The following C10orf90 variants were observed in gnomAD, a reference collection of about 807,000 sequenced individuals.
The protein encoded by C10orf90 is (E2-independent) E3 ubiquitin-conjugating enzyme FATS.
Under a neutral mutation model 62.5 loss-of-function variants are expected in C10orf90, and 56 were observed. The ratio of observed to expected loss-of-function variants is 0.90; its 90% CI spans 0.72 to 1.12. The LOEUF (loss-of-function observed/expected upper bound fraction) is 1.12. C10orf90 is among the 50% of genes most tolerant of loss of function. The pLI is 0.00. For synonymous variants in C10orf90, 386 were observed against 340.4 expected, an observed-to-expected ratio of 1.13 and a Z score of -1.47; for missense variants, 970 against 880.4, an observed-to-expected ratio of 1.10 and a Z score of -1.29.
In C10orf90 at chr10:126,627,884, G is replaced by A. The variant is rs76418283; in HGVS notation, c.313+18681C>T. Among the ~76,000 whole-genome samples, 592 of 152,218 alleles carry A rather than the reference G, an allele frequency of 3.9e-3. 18 individuals are homozygous for A. In the East Asian group the frequency reaches 0.073, roughly 19 times the overall value. ...ACTATCGGCATGCGCCTCTGTGCCC[G>A]GCTATAAAGCAGAACTTGTTTTCAT... On this transcript the variant is annotated intron_variant, in intron 2 of 9. Coordinates refer to ENST00000488181, the MANE Select transcript of C10orf90 (RefSeq NM_001350921.2).
chr10:126,425,561 G>A lies in C10orf90; in HGVS notation c.*303C>T, dbSNP rs144437418. The A allele has an allele frequency of 4.1e-4, 164 of 400,006 alleles. 3 individuals are homozygous for A. The highest frequency in any genetic ancestry group is 2.6e-3 in the South Asian group (39 of 14,946). The allele number at this position is 400,006 out of a possible 1,614,324, so 24.8% of individuals were successfully genotyped here. On this transcript the variant is annotated 3_prime_UTR_variant, in exon 10 of 10. Transcript: ENST00000488181. ...CCTCTCTGATGGGCAGGAAACAGCA[G>A]GGGAGAAGAAATCAGAAGCAAAAGG...
chr10:126,455,282 C>T (rs1432629189), intron 7 of C10orf90, among the ~76,000 whole-genome samples: 1 of 152,186 alleles, frequency 6.6e-6, no homozygotes, highest in East Asian at 1.9e-4. Flanking sequence ...AACTGCATGT[C>T]CCCAGCCTCC....
At chr10:126,489,982 TA>T (rs1439069373) in intron 4 of C10orf90, among the ~76,000 whole-genome samples, 1 of 111,210 alleles carries the variant, frequency 9.0e-6, no homozygotes, top group Non-Finnish European at 1.7e-5. Context: ...ACATATAATA[TA>T]TATATAATAT....
chr10:126,514,754 C>G (rs1863340753), intron 2 of C10orf90, among the ~76,000 whole-genome samples: 1 of 152,228 alleles, frequency 6.6e-6, no homozygotes. Context: ...TACAGACCCT[C>G]AGCAGCCACA....
intron 7 of C10orf90, among the ~76,000 whole-genome samples, chr10:126,436,959 G>A (rs1486509772): frequency 6.6e-6 from 1 of 152,126 alleles, no homozygotes; most frequent in African/African-American, 2.4e-5. Context: ...CCACTGTGTT[G>A]GGAATGGTCC....
chr10:126,434,501 G>C (rs995911371), intron 7 of C10orf90, among the ~76,000 whole-genome samples: 2 of 152,152 alleles, frequency 1.3e-5, no homozygotes, highest in African/African-American at 4.8e-5. Flanking sequence ...CCTATTTTCT[G>C]AAGTCACCCC....
chr10:126,576,709 ATATATAC>A (rs1564879107), intron 2 of C10orf90, among the ~76,000 whole-genome samples: 4,234 of 38,248 alleles, frequency 0.11, 733 homozygotes, highest in African/African-American at 0.19. Flanking sequence ...GTATATGTAT[ATATATAC>A]AAGATATACA....
chr10:126,494,686 G>A (rs1328169344), intron 4 of C10orf90, among the ~76,000 whole-genome samples: 1 of 152,184 alleles, frequency 6.6e-6, no homozygotes, highest in Non-Finnish European at 1.5e-5. Context: ...TGAGGAAATG[G>A]TTAAGAAAAA....
chr10:126,632,004 G>C (rs1157909254), intron 2 of C10orf90, among the ~76,000 whole-genome samples: 2 of 152,064 alleles, frequency 1.3e-5, no homozygotes, highest in Admixed American at 1.3e-4. Context: ...TGGCCTTGGA[G>C]AGCAGCCCCA....
At chr10:126,605,363 T>C (rs564812120) in intron 2 of C10orf90, among the ~76,000 whole-genome samples, 2 of 152,216 alleles carry the variant, frequency 1.3e-5, no homozygotes, top group South Asian at 4.1e-4. Context: ...TACAGGCCTG[T>C]GGGGAGCAGG....
chr10:126,565,368 T>G (rs191203379), intron 2 of C10orf90, among the ~76,000 whole-genome samples: 1 of 44,800 alleles, frequency 2.2e-5, no homozygotes, highest in South Asian at 5.9e-4. Flanking sequence ...TATATATTAT[T>G]TTATATAATA....
At position 126,567,372 on chromosome 10, in the gene C10orf90, C is replaced by A. The variant is rs139011271; in HGVS notation, c.314-53433G>T. On this transcript the variant is annotated intron_variant, in intron 2 of 9. Coordinates refer to ENST00000488181, the MANE Select transcript of C10orf90 (RefSeq NM_001350921.2). ...CAACCAGATCTTGTAAAAACTCACT[C>A]AGTATCATGAGAACAGCAAAGGGGA... 3.3e-5 allele frequency among the ~76,000 whole-genome samples: 5 copies of A among 152,246 alleles called. No individual in the cohort carries two copies. In the East Asian group the frequency reaches 9.7e-4, roughly 30 times the overall value.
chr10:126,609,846 G>A (rs988075810), intron 2 of C10orf90, among the ~76,000 whole-genome samples: 6 of 152,224 alleles, frequency 3.9e-5, no homozygotes, highest in African/African-American at 1.4e-4. Context: ...CATGGGAGAT[G>A]CTGAGCAAGG....
chr10:126,459,859 C>T (rs1452558391), intron 6 of C10orf90, among the ~76,000 whole-genome samples: 2 of 152,186 alleles, frequency 1.3e-5, no homozygotes, highest in Admixed American at 6.5e-5. Flanking sequence ...CCACACAAGT[C>T]TCCTGAACAA....
At chr10:126,464,617 C>T (rs1005533032) in intron 5 of C10orf90, 79 bp downstream of exon 5, 17 of 1,408,090 alleles carry the variant, frequency 1.2e-5, no homozygotes, top group East Asian at 6.9e-5. Context: ...ACAGTATGCA[C>T]GAGGTCCAGG....
At chr10:126,619,727 C>T (rs1351854544) in intron 2 of C10orf90, among the ~76,000 whole-genome samples, 6 of 152,190 alleles carry the variant, frequency 3.9e-5, no homozygotes, top group Non-Finnish European at 5.9e-5. Flanking sequence ...ACAGCCTCAG[C>T]CTCCCAGGCT....
intron 2 of C10orf90, among the ~76,000 whole-genome samples, chr10:126,585,900 C>T (rs1844861038): frequency 6.6e-6 from 1 of 152,132 alleles, no homozygotes; most frequent in Non-Finnish European, 1.5e-5. Flanking sequence ...GACCCTGGCC[C>T]CCGCCCCACA....
chr10:126,587,769 C>T (rs1844902351), intron 2 of C10orf90, among the ~76,000 whole-genome samples: 1 of 152,102 alleles, frequency 6.6e-6, no homozygotes, highest in Non-Finnish European at 1.5e-5. Flanking sequence ...TTTATTTCCA[C>T]ATTATGAAGC....
intron 2 of C10orf90, among the ~76,000 whole-genome samples, chr10:126,572,786 G>T (rs1844533171): frequency 6.6e-6 from 1 of 151,976 alleles, no homozygotes; most frequent in Non-Finnish European, 1.5e-5. Context: ...ATTCAAGATG[G>T]AGTTGCTATG....
Sources: gnomAD v4.1 joint callset for allele counts (sites outside exome capture counted in the v4.1 genomes callset) on GRCh38, gnomAD v4.1.1 for gene constraint, MANE v1.5 for transcripts, NCBI Gene and HGNC (gene_info 2026-07-23, HGNC 2026-07-21) for gene names.